TRIM4: variants seen among roughly 807,000 people sequenced by gnomAD.
The protein encoded by TRIM4 is E3 ubiquitin-protein ligase TRIM4.
In TRIM4, 29 loss-of-function variants were observed where a neutral mutation model predicts 33.7. The ratio of observed to expected loss-of-function variants is 0.86; its 90% CI spans 0.64 to 1.17. TRIM4 has a LOEUF of 1.17. Ranked by LOEUF, TRIM4 falls within the 50% of genes most tolerant of loss-of-function variation. The probability of loss-of-function intolerance (pLI) is 0.00; values close to 1 mark genes in which losing one functional copy is unlikely to be tolerated. For synonymous variants in TRIM4, 224 were observed against 233.0 expected (o/e 0.96, Z 0.35); for missense variants, 554 against 593.7 (o/e 0.93, Z 0.69).
chr7:99,893,730 T>G (rs1174853648), intron 5 of TRIM4, among the ~76,000 whole-genome samples: 1 of 152,120 alleles, frequency 6.6e-6, no homozygotes, highest in Non-Finnish European at 1.5e-5. Context: ...CCTCTGAAAT[T>G]TGTCACTCAG....
chr7:99,909,460 A>G (rs902110057), intron 2 of TRIM4, 105 bp downstream of exon 2: 10 of 880,286 alleles, frequency 1.1e-5, no homozygotes, highest in African/African-American at 5.0e-5. Context: ...CCAAGACTCT[A>G]CGTGAACTGC....
intron 3 of TRIM4, among the ~76,000 whole-genome samples, chr7:99,907,517 C>G (rs1819335579): frequency 6.6e-6 from 1 of 152,180 alleles, no homozygotes; most frequent in South Asian, 2.1e-4. Context: ...GTTTCAGATT[C>G]TAATTAGATG....
Position 99,891,914 on chromosome 7 carries a change from TA to T in TRIM4, c.*248del, listed in dbSNP as rs1818899579. 1 of 437,376 alleles carries T rather than the reference TA, an allele frequency of 2.3e-6. No individual in the cohort carries two copies. The highest frequency in any genetic ancestry group is 2.0e-5 in the African/African-American group (1 of 50,922). The allele number at this position is 437,376 out of a possible 1,614,324, so 27.1% of individuals were successfully genotyped here. On this transcript the variant is annotated 3_prime_UTR_variant, in exon 6 of 6. Coordinates refer to ENST00000349062, the MANE Select transcript of TRIM4 (RefSeq NM_033091.3). ...CATATGTCTTCCCCGCACATCTCTTTAAAAGCTACAAAAAGATTTCCCAAAA... is the reference window on the plus strand; with the variant it reads ...CATATGTCTTCCCCGCACATCTCTTTAAAGCTACAAAAAGATTTCCCAAAA...
intron 5 of TRIM4, among the ~76,000 whole-genome samples, chr7:99,898,620 C>T (rs370532553): frequency 2.6e-4 from 40 of 152,306 alleles, no homozygotes; most frequent in African/African-American, 9.1e-4. Context: ...CAGGCACTTC[C>T]AGAAGTGTGC....
intron 5 of TRIM4, 65 bp from the exon 6 acceptor site, chr7:99,892,811 A>G: frequency 7.4e-7 from 1 of 1,349,370 alleles, no homozygotes; most frequent in Non-Finnish European, 1.0e-6. Flanking sequence ...AGAAATGCCC[A>G]TCTTTTCCAG....
intron 3 of TRIM4, among the ~76,000 whole-genome samples, chr7:99,907,996 G>A (rs73405431): frequency 0.015 from 2,310 of 152,264 alleles, 59 homozygotes; most frequent in African/African-American, 0.053. Context: ...ACCTACAGAG[G>A]ATATAAAGGT....
intron 1 of TRIM4, 78 bp from the exon 2 acceptor site, chr7:99,909,738 T>C: frequency 8.1e-7 from 1 of 1,240,256 alleles, no homozygotes; most frequent in Non-Finnish European, 1.1e-6. Context: ...TGTTTTTTTT[T>C]TTTTTTTTTT....
intron 1 of TRIM4, among the ~76,000 whole-genome samples, chr7:99,915,868 A>C (rs1305241342): frequency 1.3e-5 from 2 of 152,178 alleles, no homozygotes; most frequent in Admixed American, 6.5e-5. Flanking sequence ...AAGTCTTCTC[A>C]GATTAGTTGT....
intron 1 of TRIM4, among the ~76,000 whole-genome samples, chr7:99,913,130 A>G (rs1052727738): frequency 1.3e-5 from 2 of 152,200 alleles, no homozygotes; most frequent in East Asian, 1.9e-4. Context: ...GAGATTTTCT[A>G]TGTCTTAAAA....
At position 99,912,075 on chromosome 7, in the gene TRIM4, C is replaced by T. The variant is rs73711677; in HGVS notation, c.394-2415G>A. Among the ~76,000 whole-genome samples, 393 of 152,116 alleles carry T rather than the reference C, an allele frequency of 2.6e-3. 1 individual carries two copies. The highest frequency in any genetic ancestry group is 8.5e-3 in the African/African-American group (352 of 41,486). ...ATTTGTGTTTGAAAAAAAATCAGAA[C>T]GGTGGTTGCCCTGGTAGGGGAAGGG... On this transcript the variant is annotated intron_variant, in intron 1 of 5. Transcript: ENST00000349062.
rs780678449 is a variant in TRIM4, at chr7:99,891,908, T to C, written c.*255A>G. 84 of 414,012 alleles carry C rather than the reference T, an allele frequency of 2.0e-4. No individual in the cohort carries two copies. The highest frequency in any genetic ancestry group is 1.3e-3 in the South Asian group (22 of 17,146). 25.6% of individuals were successfully genotyped at this position (414,012 alleles called of 1,614,324 possible). On this transcript the variant is annotated 3_prime_UTR_variant, in exon 6 of 6. Transcript: ENST00000349062. ...AACATCCATATGTCTTCCCCGCACA[T>C]CTCTTTAAAAGCTACAAAAAGATTT...
chr7:99,916,234 C>T (rs1819552628), intron 1 of TRIM4, among the ~76,000 whole-genome samples: 1 of 152,140 alleles, frequency 6.6e-6, no homozygotes, highest in South Asian at 2.1e-4. Context: ...TCTGATGGGT[C>T]CTCTCCATGT....
At chr7:99,904,210 A>AGACCC in intron 3 of TRIM4, among the ~76,000 whole-genome samples, 1 of 152,230 alleles carries the variant, frequency 6.6e-6, no homozygotes, top group Non-Finnish European at 1.5e-5. Context: ...TAGATGTGAA[A>AGACCC]ATTCTAAGTA....
chr7:99,897,542 C>G (rs1157480397), intron 5 of TRIM4, among the ~76,000 whole-genome samples: 1 of 152,098 alleles, frequency 6.6e-6, no homozygotes, highest in African/African-American at 2.4e-5. Flanking sequence ...CACTGTACCT[C>G]ATAAATATGT....
chr7:99,912,076 G>T (rs895388603), intron 1 of TRIM4, among the ~76,000 whole-genome samples: 1 of 152,160 alleles, frequency 6.6e-6, no homozygotes, highest in Non-Finnish European at 1.5e-5. Context: ...AAATCAGAAC[G>T]GTGGTTGCCC....
At chr7:99,916,651 A>T (rs1819560943) in intron 1 of TRIM4, 5 of 766,256 alleles carry the variant, frequency 6.5e-6, no homozygotes, top group Non-Finnish European at 9.7e-6. Context: ...TTATCACTCC[A>T]TCCCTCCCTC....
chr7:99,907,091 C>T (rs956400896), intron 3 of TRIM4, among the ~76,000 whole-genome samples: 3 of 152,028 alleles, frequency 2.0e-5, no homozygotes, highest in South Asian at 2.1e-4. Flanking sequence ...CTCTGAGATT[C>T]TATGTTCTAG....
rs759934856 is a variant in TRIM4, at chr7:99,909,592, T to C, written c.462A>G (p.Val154=). 7 of 1,613,976 alleles carry C rather than the reference T, an allele frequency of 4.3e-6. No homozygotes were observed. In the Admixed American group the frequency reaches 5.0e-5, roughly 12 times the overall value. ...TCCACTGTGTGGCGTTCTTCACTTC[T>C]ACATCCTGTAAATGCATGACTTTCT... The part of the protein sequence containing the change: ...KMKKVMHLQD[V]EVKNATQWKD... The change falls in exon 2 of 6, where the codon GTA becomes GTG. Residue 154 remains valine, a synonymous_variant. Transcript: ENST00000349062.
intron 1 of TRIM4, among the ~76,000 whole-genome samples, chr7:99,912,156 T>C (rs1233696922): frequency 6.6e-6 from 1 of 152,236 alleles, no homozygotes; most frequent in African/African-American, 2.4e-5. Context: ...TAATATCCTT[T>C]ATCTTGAGAA....
Sources: allele counts gnomAD v4.1 joint callset (sites outside exome capture counted in the v4.1 genomes callset), GRCh38; gene constraint gnomAD v4.1.1; transcripts MANE v1.5; gene names NCBI Gene and HGNC (gene_info 2026-07-23, HGNC 2026-07-21).